The following PITPNM1 variants were observed in gnomAD, a reference collection of about 807,000 sequenced individuals.
The protein encoded by PITPNM1 is phosphatidylinositol transfer protein membrane associated 1, also known as membrane-associated phosphatidylinositol transfer protein 1.
Under a neutral mutation model 133.3 loss-of-function variants are expected in PITPNM1, and 74 were observed. The observed-to-expected ratio is 0.56, with a 90% CI of 0.46 to 0.67. The LOEUF (loss-of-function observed/expected upper bound fraction) is 0.67, where lower values mean the gene tolerates loss of function less well. Among genes scored for constraint, PITPNM1 ranks in the 30% least tolerant of loss-of-function variants. PITPNM1 has a pLI of 0.00. For synonymous variants in PITPNM1, 738 were observed against 741.4 expected (o/e 1.00, Z 0.08); for missense variants, 1,398 against 1,739.5 (o/e 0.80, Z 3.49).
rs1330875011 is a variant in PITPNM1 at position 67,497,378 on chromosome 11, A to G, written c.1999T>C (p.Phe667Leu). ...TCGGAACTGGCAGCGGGTGGGCAGA[A>G]GGCCGTGCTTGCCCGCCGGGGCTCC... ...SWEPRRASTA[F>L]CPPAASSEAP... The change falls in exon 14 of 24, where the codon TTC becomes CTC. Residue 667 changes from phenylalanine to leucine, a missense_variant. This residue lies in a region of PITPNM1 where 574 missense variants were observed against 698.7 expected (regional missense o/e 0.82). Coordinates refer to ENST00000356404, the MANE Select transcript of PITPNM1 (RefSeq NM_004910.3). The G allele has an allele frequency of 6.3e-7, 1 of 1,597,440 alleles. No individual in the cohort carries two copies. The highest frequency in any genetic ancestry group is 8.5e-7 in the Non-Finnish European group (1 of 1,169,852).
chr11:67,503,813 G>T, intron 2 of PITPNM1: 1 of 327,898 alleles, frequency 3.0e-6, no homozygotes, highest in Non-Finnish European at 5.7e-6. Context: ...CTGCCGCGGA[G>T]GCCCCCCTCC....
rs752989570 is a variant in PITPNM1 at position 67,502,617 on chromosome 11, G to A, written c.180C>T (p.His60=). 1 of 1,613,592 alleles carries A rather than the reference G, an allele frequency of 6.2e-7. No individual in the cohort carries two copies. The highest frequency in any genetic ancestry group is 1.1e-5 in the South Asian group (1 of 91,088). ...TGTGGGAGCCCACGTGGTACACCTT[G>A]TGTGTGTATTGCCCGCTGCCCCCGG... ...DGPGGSGQYT[H]KVYHVGSHIP... is the part of the protein sequence containing the mutation. Residue 60 remains histidine, a synonymous_variant, in exon 3 of 24, where the codon CAC becomes CAT. Coordinates refer to ENST00000356404, the MANE Select transcript of PITPNM1 (RefSeq NM_004910.3). This position sits in a 1 kb window ranked among gnomAD's most constrained non-coding sequence, Gnocchi z 5.9.
chr11:67,494,157 A>AG (rs986213236), intron 19 of PITPNM1, 87 bp from the exon 20 acceptor site: 1 of 1,557,408 alleles, frequency 6.4e-7, no homozygotes, highest in Non-Finnish European at 8.8e-7. Context: ...GGGTGGGTCT[A>AG]GGGGCACAAC....
At position 67,502,493 on chromosome 11, in the gene PITPNM1, C is replaced by T; in HGVS notation, c.293+11G>A. 6.2e-7 allele frequency: 1 copy of T among 1,613,684 alleles called. No individual in the cohort carries two copies. The highest frequency in any genetic ancestry group is 8.5e-7 in the Non-Finnish European group (1 of 1,179,964). Reference sequence around the variant, plus strand: ...TCCTGGCCTCGGACCATGCCCAGCTCACCCACTCACCGGGTTCGGGTGTAG... The same window carrying T: ...TCCTGGCCTCGGACCATGCCCAGCTTACCCACTCACCGGGTTCGGGTGTAG... On this transcript the variant is annotated intron_variant, in intron 3 of 23. Transcript: ENST00000356404. The surrounding 1 kb of genome is among the most constrained non-coding windows in gnomAD (Gnocchi z 5.9).
chr11:67,491,999 CAAT>C lies in PITPNM1; in HGVS notation c.*31_*33del, dbSNP rs1565185780. 1.9e-6 allele frequency: 3 copies of C among 1,601,016 alleles called. No individual in the cohort carries two copies. In the South Asian group the frequency reaches 3.3e-5, roughly 18 times the overall value. ...AGCCCCTCGGGCCCCTTGGGTGTGT[CAAT>C]AAATAACCCAGGTCCAGGCTGGTGT... On this transcript the variant is annotated 3_prime_UTR_variant, in exon 24 of 24. Coordinates refer to ENST00000356404, the MANE Select transcript of PITPNM1 (RefSeq NM_004910.3).
intron 18 of PITPNM1, among the ~76,000 whole-genome samples, chr11:67,494,608 C>G (rs1866047531): frequency 6.6e-6 from 1 of 152,020 alleles, no homozygotes; most frequent in Non-Finnish European, 1.5e-5. Flanking sequence ...AGGTGGGGAC[C>G]AGCGCAGATC....
upstream of PITPNM1, chr11:67,506,061 G>C (rs1186203775): frequency 6.6e-6 from 1 of 152,386 alleles, no homozygotes; most frequent in Non-Finnish European, 1.5e-5. Flanking sequence ...TTGACACTGA[G>C]GCCAAGTGCT....
chr11:67,496,431 C>T lies in PITPNM1; in HGVS notation c.2147-83G>A, dbSNP rs575168638. 4.7e-5 allele frequency: 61 copies of T among 1,286,824 alleles called. No homozygotes were observed. In the African/African-American group the frequency reaches 7.5e-4, roughly 16 times the overall value. 79.7% of individuals were successfully genotyped at this position (1,286,824 alleles called of 1,614,324 possible). ...GGAGGTAGGGGGTGTGGGAGCAGCA[C>T]CCTGATGTCTGGTGTGACCCCGAGC... On this transcript the variant is annotated intron_variant, in intron 14 of 23. Transcript: ENST00000356404.
In PITPNM1 at chr11:67,502,575, C is replaced by T. The variant is rs767544626; in HGVS notation, c.222G>A (p.Arg74=). 1.2e-5 allele frequency: 20 copies of T among 1,613,526 alleles called. No individual in the cohort carries two copies. In the East Asian group the frequency reaches 4.0e-4, roughly 32 times the overall value. ...HVGSHIPGWF[R]ALLPKAALQV... ...GCAGGGCAGCCTTGGGCAGCAGTGC[C>T]CGGAACCAGCCTGGGATGTGGGAGC... Residue 74 remains arginine (R), a synonymous_variant, in exon 3 of 24, where the codon CGG becomes CGA. Coordinates refer to ENST00000356404, the MANE Select transcript of PITPNM1 (RefSeq NM_004910.3). The surrounding 1 kb of genome is among the most constrained non-coding windows in gnomAD (Gnocchi z 5.9).
rs1044315278 is a variant in PITPNM1, at chr11:67,499,996, G to A, written c.981C>T (p.Pro327=). The change falls in exon 7 of 24, where the codon CCC becomes CCT. Residue 327 remains proline, a synonymous_variant. Coordinates refer to ENST00000356404, the MANE Select transcript of PITPNM1 (RefSeq NM_004910.3). ...YSSQHGGAVS[P]QSLSEWRMQN... is the part of the protein sequence containing the mutation. ...GCATGCGCCACTCAGACAAGCTCTGGGGAGACACAGCCCCTGCCGGGCCAG... is the reference window on the plus strand; with the variant it reads ...GCATGCGCCACTCAGACAAGCTCTGAGGAGACACAGCCCCTGCCGGGCCAG... 1 of 1,612,336 alleles carries A rather than the reference G, an allele frequency of 6.2e-7. No homozygotes were observed. The highest frequency in any genetic ancestry group is 1.3e-5 in the African/African-American group (1 of 75,048).
intron 19 of PITPNM1, 84 bp downstream of exon 19, chr11:67,494,160 G>A: frequency 6.3e-7 from 1 of 1,575,020 alleles, no homozygotes; most frequent in East Asian, 2.2e-5. Flanking sequence ...TGGGTCTAGG[G>A]GCACAACCAC....
At chr11:67,501,029 C>T (rs1796845654) in intron 5 of PITPNM1, among the ~76,000 whole-genome samples, 2 of 152,204 alleles carry the variant, frequency 1.3e-5, no homozygotes, top group South Asian at 2.1e-4. Context: ...TTTCCAAATG[C>T]AAGACAAGGC....
Position 67,502,474 on chromosome 11 carries a change from C to A in PITPNM1, c.293+30G>T. ...CCCACCAGGGCCGCTCCCCTCCTGG[C>A]CTCGGACCATGCCCAGCTCACCCAC... On this transcript the variant is annotated intron_variant, in intron 3 of 23. Coordinates refer to ENST00000356404, the MANE Select transcript of PITPNM1 (RefSeq NM_004910.3). The surrounding 1 kb of genome is among the most constrained non-coding windows in gnomAD (Gnocchi z 5.9). The A allele has an allele frequency of 6.2e-7, 1 of 1,613,632 alleles. No individual in the cohort carries two copies.
Position 67,494,341 on chromosome 11 carries a change from C to T in PITPNM1, c.2762G>A (p.Arg921Gln), listed in dbSNP as rs1442605591. Residue 921 changes from arginine (R) to glutamine (Q), a missense_variant, in exon 19 of 24, where the codon CGG (arginine) becomes CAG (glutamine). Transcript: ENST00000356404. ...CTCGCACACCACCGTGTCGCTCGCC[C>T]GGTGGTTGGAAGTGACGTTCTAGAG... Reference protein sequence around the residue: ...VKIRNVTSNHRASDTVVCEGR... With the variant: ...VKIRNVTSNHQASDTVVCEGR... 1 of 1,604,830 alleles carries T rather than the reference C, an allele frequency of 6.2e-7. No individual in the cohort carries two copies. Among genetic ancestry groups the T allele is most frequent in the African/African-American group, 1.3e-5 (1 of 74,486 alleles).
Position 67,494,961 on chromosome 11 carries a change from A to C in PITPNM1, c.2632-5T>G. 1 of 1,611,974 alleles carries C rather than the reference A, an allele frequency of 6.2e-7. No individual in the cohort carries two copies. The highest frequency in any genetic ancestry group is 1.1e-5 in the South Asian group (1 of 91,068). ...TGGCCGCTCCTTCTCGATCACCTGC[A>C]CGGGACAGGGGGCGAGGCCTCTGTC... On this transcript the variant is annotated splice_region_variant and splice_polypyrimidine_tract_variant and intron_variant, in intron 17 of 23. Transcript: ENST00000356404.
rs1307518183 is a variant in PITPNM1, at chr11:67,498,121, CT to C, written c.1674+11del. 1.2e-6 allele frequency: 2 copies of C among 1,611,890 alleles called. No homozygotes were observed. The highest frequency in any genetic ancestry group is 3.3e-5 in the Admixed American group (2 of 60,000). The stretch of plus-strand genomic sequence containing the variant: ...GTGGAGGGCAGCAGATGGACTGTCC[CT>C]AACCGCTGACCTGCCCACAGAAGCC... On this transcript the variant is annotated intron_variant, in intron 11 of 23. Transcript: ENST00000356404. This position sits in a 1 kb window ranked among gnomAD's most constrained non-coding sequence, Gnocchi z 5.7.
Position 67,501,891 on chromosome 11 carries a change from G to A in PITPNM1, c.611C>T (p.Ala204Val). ...ATCATGGATGAACTGCTCGATCTTGGCTTGCATGCCCCAGTAGCGGAACTC... is the reference window on the plus strand; with the variant it reads ...ATCATGGATGAACTGCTCGATCTTGACTTGCATGCCCCAGTAGCGGAACTC... ...KVEFRYWGMQAKIEQFIHDVG... is the reference protein window; with the variant it reads ...KVEFRYWGMQVKIEQFIHDVG... Residue 204 changes from alanine to valine, a missense_variant, in exon 5 of 24, where the codon GCC (alanine) becomes GTC (valine). Ala to Val is a moderately conservative substitution (Grantham distance 64). This residue lies in a region of PITPNM1 where 274 missense variants were observed against 360.7 expected (regional missense o/e 0.76). Transcript: ENST00000356404. The A allele has an allele frequency of 6.2e-7, 1 of 1,613,666 alleles. No homozygotes were observed. The highest frequency in any genetic ancestry group is 8.5e-7 in the Non-Finnish European group (1 of 1,180,000).
At position 67,498,217 on chromosome 11, in the gene PITPNM1, G is replaced by C. The variant is rs778995855; in HGVS notation, c.1590C>G (p.Gly530=). The change falls in exon 11 of 24, where the codon GGC becomes GGG. Residue 530 remains glycine (G), a synonymous_variant. Transcript: ENST00000356404. The surrounding 1 kb of genome is among the most constrained non-coding windows in gnomAD (Gnocchi z 5.7). The stretch of plus-strand genomic sequence containing the variant: ...TGCGGGCAATGACGGTGGCCACGGC[G>C]CCCTGGTAGCGGGAGGATGAGGTGG... ...LLATSSSRYQ[G]AVATVIARTN... is the part of the protein sequence containing the mutation. The C allele has an allele frequency of 6.2e-7, 1 of 1,612,926 alleles. No homozygotes were observed. Among genetic ancestry groups the C allele is most frequent in the South Asian group, 1.1e-5 (1 of 91,054 alleles).
Position 67,502,619 on chromosome 11 carries a change from G to T in PITPNM1, c.178C>A (p.His60Asn), listed in dbSNP as rs758794408. Residue 60 changes from histidine to asparagine, a missense_variant, in exon 3 of 24, where the codon CAC becomes AAC. Coordinates refer to ENST00000356404, the MANE Select transcript of PITPNM1 (RefSeq NM_004910.3). The surrounding 1 kb of genome is among the most constrained non-coding windows in gnomAD (Gnocchi z 5.9). ...TGGGAGCCCACGTGGTACACCTTGT[G>T]TGTGTATTGCCCGCTGCCCCCGGGC... ...DGPGGSGQYT[H>N]KVYHVGSHIP... is the part of the protein sequence containing the mutation. 5.6e-6 allele frequency: 9 copies of T among 1,613,564 alleles called. No individual in the cohort carries two copies. The highest frequency in any genetic ancestry group is 7.6e-6 in the Non-Finnish European group (9 of 1,180,016).
Sources: allele counts gnomAD v4.1 joint callset (sites outside exome capture counted in the v4.1 genomes callset), GRCh38; gene constraint gnomAD v4.1.1; regional missense constraint gnomAD v4.1.1; non-coding constraint Gnocchi (gnomAD v3.1); transcripts MANE v1.5; gene names NCBI Gene and HGNC (gene_info 2026-07-23, HGNC 2026-07-21).